MTERF4: variants seen among roughly 807,000 people sequenced by gnomAD.
MTERF4 encodes transcription termination factor 4, mitochondrial.
Under a neutral mutation model 22.5 loss-of-function variants are expected in MTERF4, and 17 were observed. The observed-to-expected ratio is 0.75, with a 90% CI of 0.52 to 1.13. MTERF4 has a LOEUF of 1.13. Among genes scored for constraint, MTERF4 ranks in the 50% most tolerant of loss-of-function variants. MTERF4 has a pLI of 0.00. For missense variants in MTERF4, 420 were observed against 466.8 expected (o/e 0.90, Z 0.92); for synonymous variants, 165 against 175.3 (o/e 0.94, Z 0.47).
chr2:241,049,263 G>T, the MTERF4 span: 21 of 673,818 alleles, frequency 3.1e-5, 1 homozygote, highest in South Asian at 3.6e-4. Flanking sequence ...GCTGGCACCT[G>T]GGGAAGCCTC....
chr2:241,081,516 C>T (rs933067788), intron 4 of MTERF4, among the ~76,000 whole-genome samples: 4 of 152,234 alleles, frequency 2.6e-5, no homozygotes, highest in Non-Finnish European at 5.9e-5. Context: ...ACTGGGACCA[C>T]GCTCTAGGGC....
downstream of MTERF4, chr2:241,071,466 T>G: frequency 3.1e-6 from 4 of 1,307,228 alleles, no homozygotes; most frequent in Non-Finnish European, 4.2e-6. Context: ...ATGCCCCCCT[T>G]CCCTTCTCCA....
chr2:241,097,134 G>A, intron 3 of MTERF4, 109 bp downstream of exon 3: 1 of 1,336,456 alleles, frequency 7.5e-7, no homozygotes, highest in South Asian at 1.3e-5. Context: ...GAAACTTGCT[G>A]TTACTACACT....
At chr2:241,067,741 G>C, downstream of MTERF4, 1 of 1,585,116 alleles carries the variant, frequency 6.3e-7, no homozygotes, top group Non-Finnish European at 8.6e-7. Flanking sequence ...GCCGGCACCT[G>C]CTGAACAGTC....
In MTERF4 at chr2:241,096,361, A is replaced by T. The variant is rs1245174463; in HGVS notation, c.783T>A (p.Ile261=). The T allele has an allele frequency of 1.9e-6, 3 of 1,614,062 alleles. No homozygotes were observed. The highest frequency in any genetic ancestry group is 2.7e-5 in the African/African-American group (2 of 74,904). Residue 261 remains isoleucine, a synonymous_variant, in exon 4 of 4, where the codon ATT becomes ATA. Transcript: ENST00000391980. The surrounding 1 kb of genome is among the most constrained non-coding windows in gnomAD (Gnocchi z 5.1). The stretch of plus-strand genomic sequence containing the variant: ...GCTCCAGGTAAATGTGTCTCTGCTT[A>T]ATCTTGGTTAGTGAATACTGCAAGT... ...SEYLQYSLTK[I]KQRHIYLERL...
chr2:241,073,273 A>C lies in MTERF4; in HGVS notation n.2889T>G, dbSNP rs778923006. 1.3e-6 allele frequency: 2 copies of C among 1,557,156 alleles called. No individual in the cohort carries two copies. The highest frequency in any genetic ancestry group is 2.4e-5 in the South Asian group (2 of 84,280). ...CCGCCTGGCTTCTCCTAGAACCCAC[A>C]GCCTCGGCGCAGCTCGAGAACATGG... On this transcript the variant is annotated non_coding_transcript_exon_variant, in exon 5 of 5. Coordinates refer to the MTERF4 transcript ENST00000464344. The surrounding 1 kb of genome is among the most constrained non-coding windows in gnomAD (Gnocchi z 6.6).
downstream of MTERF4, among the ~76,000 whole-genome samples, chr2:241,069,542 T>C (rs1189181085): frequency 6.6e-6 from 1 of 152,166 alleles, no homozygotes; most frequent in African/African-American, 2.4e-5. This position sits in a 1 kb window ranked among gnomAD's most constrained non-coding sequence, Gnocchi z 4.9. Flanking sequence ...TGCCCACCTG[T>C]GCACTCAGAT....
chr2:241,064,716 GCTGT>G, the MTERF4 span: 2 of 632,812 alleles, frequency 3.2e-6, no homozygotes, highest in Admixed American at 7.0e-5. The surrounding 1 kb of genome is among the most constrained non-coding windows in gnomAD (Gnocchi z 7.0). Context: ...GGAGGCAGTA[GCTGT>G]CCTGTGCCCC....
downstream of MTERF4, among the ~76,000 whole-genome samples, chr2:241,091,087 AT>A (rs1294295773): frequency 1.3e-5 from 2 of 152,198 alleles, no homozygotes; most frequent in African/African-American, 4.8e-5. The surrounding 1 kb of genome is among the most constrained non-coding windows in gnomAD (Gnocchi z 4.1). Flanking sequence ...TGCCTAGCAC[AT>A]CCACTCCCAT....
the MTERF4 span, chr2:241,053,358 TG>T: frequency 2.6e-6 from 4 of 1,534,582 alleles, no homozygotes; most frequent in Non-Finnish European, 3.5e-6. Flanking sequence ...GTGGGGCAGG[TG>T]GGGCCCACAC....
At chr2:241,084,070 T>G (rs921149755), downstream of MTERF4, among the ~76,000 whole-genome samples, 1 of 152,122 alleles carries the variant, frequency 6.6e-6, no homozygotes, top group Non-Finnish European at 1.5e-5. Context: ...ATACACATCT[T>G]CACCTTAACA....
chr2:241,068,802 G>C, downstream of MTERF4: 1 of 725,264 alleles, frequency 1.4e-6, no homozygotes, highest in Non-Finnish European at 2.3e-6. The surrounding 1 kb of genome is among the most constrained non-coding windows in gnomAD (Gnocchi z 5.3). Context: ...CCAGCAGCAG[G>C]ATGACCTCCC....
At chr2:241,068,365 A>C (rs1317921957), downstream of MTERF4, among the ~76,000 whole-genome samples, 1 of 151,276 alleles carries the variant, frequency 6.6e-6, no homozygotes, top group Admixed American at 6.6e-5. This position sits in a 1 kb window ranked among gnomAD's most constrained non-coding sequence, Gnocchi z 5.3. Context: ...AGATGGTAGC[A>C]GCCCCGAGCT....
chr2:241,083,433 G>A (rs533263968), downstream of MTERF4, among the ~76,000 whole-genome samples: 6 of 152,270 alleles, frequency 3.9e-5, no homozygotes, highest in African/African-American at 1.4e-4. Context: ...AGAGTGACAT[G>A]TTCGATTACA....
chr2:241,063,835 G>T, the MTERF4 span: 1 of 794,090 alleles, frequency 1.3e-6, no homozygotes, highest in Non-Finnish European at 2.0e-6. Flanking sequence ...CGGCCACCTT[G>T]GGAGGGAGGG....
At chr2:241,055,126 AAAG>A in the MTERF4 span, among the ~76,000 whole-genome samples, 1 of 151,498 alleles carries the variant, frequency 6.6e-6, no homozygotes, top group African/African-American at 2.5e-5. Flanking sequence ...CAAAAAAAAA[AAAG>A]AAAAAATATT....
chr2:241,062,581 C>T, the MTERF4 span, among the ~76,000 whole-genome samples: 1 of 152,320 alleles, frequency 6.6e-6, no homozygotes, highest in African/African-American at 2.4e-5. Flanking sequence ...TTCAAGCCCG[C>T]CCTGCTGCTT....
At chr2:241,084,849 T>A (rs1323460380), downstream of MTERF4, among the ~76,000 whole-genome samples, 1 of 151,308 alleles carries the variant, frequency 6.6e-6, no homozygotes, top group Non-Finnish European at 1.5e-5. Context: ...TCTGAAACTA[T>A]TTTTTTTTCA....
chr2:241,088,655 C>A, downstream of MTERF4: 1 of 512,118 alleles, frequency 2.0e-6, no homozygotes, highest in South Asian at 3.0e-5. Flanking sequence ...GTGGATAGGG[C>A]AAATCCCACT....
Sources: gnomAD v4.1 joint callset for allele counts (sites outside exome capture counted in the v4.1 genomes callset) on GRCh38, gnomAD v4.1.1 for gene constraint, Gnocchi (gnomAD v3.1) non-coding constraint, MANE v1.5 for transcripts, NCBI Gene and HGNC (gene_info 2026-07-23, HGNC 2026-07-21) for gene names.